DLGAP1: variants seen among roughly 807,000 people sequenced by gnomAD.
DLGAP1 encodes DLG associated protein 1.
A neutral mutation model predicts 90.8 loss-of-function variants in DLGAP1; 11 were observed. That is an observed-to-expected ratio of 0.12 (90% confidence interval 0.08 to 0.20). The LOEUF is 0.20. DLGAP1 is among the 10% of genes least tolerant of loss of function. The pLI, the probability that DLGAP1 is intolerant of heterozygous loss-of-function variation, is 1.00. For missense variants in DLGAP1, 1,050 were observed against 1,333.8 expected (o/e 0.79, Z 3.31); for synonymous variants, 558 against 540.7 (o/e 1.03, Z -0.44).
intron 1 of DLGAP1, among the ~76,000 whole-genome samples, chr18:4,344,825 T>G (rs2081273209): frequency 2.0e-5 from 3 of 152,140 alleles, no homozygotes; most frequent in Non-Finnish European, 4.4e-5. Flanking sequence ...ACCTTCAATC[T>G]TCCCAGTTTT....
At chr18:3,582,315 G>A in intron 7 of DLGAP1, 67 bp from the exon 8 acceptor site, 2 of 1,548,714 alleles carry the variant, frequency 1.3e-6, no homozygotes, top group South Asian at 2.4e-5. Flanking sequence ...TATTGTAACT[G>A]ACAGCCATTG....
intron 1 of DLGAP1, among the ~76,000 whole-genome samples, chr18:4,281,682 C>G (rs2079556169): frequency 6.6e-6 from 1 of 152,176 alleles, no homozygotes; most frequent in Non-Finnish European, 1.5e-5. Context: ...AATATAGCCA[C>G]TTTTCTGTAG....
chr18:3,879,714 G>A lies in DLGAP1; in HGVS notation c.355C>T (p.His119Tyr). Residue 119 changes from histidine (H) to tyrosine (Y), a missense_variant, in exon 4 of 13, where the codon CAC (histidine) becomes TAC (tyrosine). Transcript: ENST00000315677. This position sits in a 1 kb window ranked among gnomAD's most constrained non-coding sequence, Gnocchi z 6.6. The stretch of plus-strand genomic sequence containing the variant: ...GCCGTGCGCTTGTACTGCAGGGTGT[G>A]ATAGCCATCGCGGCTGAGTGGCAGC... Reference protein sequence around the residue: ...RQLPLSRDGYHTLQYKRTAVE... With the variant: ...RQLPLSRDGYYTLQYKRTAVE... The A allele has an allele frequency of 2.5e-6, 4 of 1,608,782 alleles. No individual in the cohort carries two copies. Among genetic ancestry groups the A allele is most frequent in the Non-Finnish European group, 3.4e-6 (4 of 1,179,872 alleles).
At position 3,577,928 on chromosome 18, in the gene DLGAP1, T is replaced by C. The variant is rs2055255200; in HGVS notation, c.1965+3947A>G. Among the ~76,000 whole-genome samples, 5 of 152,198 alleles carry C rather than the reference T, an allele frequency of 3.3e-5. No individual in the cohort carries two copies. The South Asian group carries it at 8.3e-4, about 25-fold the overall frequency. On this transcript the variant is annotated intron_variant, in intron 8 of 12. Coordinates refer to ENST00000315677, the MANE Select transcript of DLGAP1 (RefSeq NM_004746.4). ...TTGAGAAAGTCCATGGCATATTTAGTTCAGCATATTTAGCTAATTATAATT... is the reference window on the plus strand; with the variant it reads ...TTGAGAAAGTCCATGGCATATTTAGCTCAGCATATTTAGCTAATTATAATT...
At chr18:4,297,300 G>C (rs572024057) in intron 1 of DLGAP1, among the ~76,000 whole-genome samples, 1 of 152,042 alleles carries the variant, frequency 6.6e-6, no homozygotes, top group Admixed American at 6.5e-5. Flanking sequence ...CCACCACACC[G>C]AGCCATGACC....
intron 4 of DLGAP1, among the ~76,000 whole-genome samples, chr18:3,848,691 C>T (rs2069163078): frequency 6.6e-6 from 1 of 152,160 alleles, no homozygotes; most frequent in Non-Finnish European, 1.5e-5. Context: ...GGACACTTCC[C>T]TCTCCTGCCA....
At chr18:3,814,346 AG>A in intron 4 of DLGAP1, 73 bp from the exon 5 acceptor site, 1 of 1,305,606 alleles carries the variant, frequency 7.7e-7, no homozygotes. Context: ...CTTTTTTTTT[AG>A]ATTTAACATT....
In DLGAP1 at chr18:3,499,731, C is replaced by A. The variant is rs2049830858; in HGVS notation, c.2725-337G>T. Among the ~76,000 whole-genome samples, 1 of 152,140 alleles carries A rather than the reference C, an allele frequency of 6.6e-6. No individual in the cohort carries two copies. The highest frequency in any genetic ancestry group is 6.5e-5 in the Admixed American group (1 of 15,278). On this transcript the variant is annotated intron_variant, in intron 12 of 12. Coordinates refer to ENST00000315677, the MANE Select transcript of DLGAP1 (RefSeq NM_004746.4). This position sits in a 1 kb window ranked among gnomAD's most constrained non-coding sequence, Gnocchi z 6.4. ...GGTTCTCTCTGGAGACTCCAGACTC[C>A]TCCTGGTGCCAGAGATGGGCCAGGA...
intron 1 of DLGAP1, among the ~76,000 whole-genome samples, chr18:4,195,858 A>G (rs1188854029): frequency 3.3e-5 from 5 of 152,042 alleles, no homozygotes; most frequent in Non-Finnish European, 7.4e-5. Context: ...CGGCCTGACT[A>G]CTTTTTTGAG....
At chr18:4,199,769 C>T (rs1216523070) in intron 1 of DLGAP1, among the ~76,000 whole-genome samples, 1 of 152,158 alleles carries the variant, frequency 6.6e-6, no homozygotes, top group African/African-American at 2.4e-5. Context: ...AGGCAGTTTT[C>T]CTTCCTGAAA....
At chr18:3,841,499 A>G (rs2068713238) in intron 4 of DLGAP1, among the ~76,000 whole-genome samples, 1 of 152,236 alleles carries the variant, frequency 6.6e-6, no homozygotes, top group African/African-American at 2.4e-5. Context: ...ATACATTTTT[A>G]AGAATAAACT....
At chr18:3,585,670 A>G (rs1042936940) in intron 7 of DLGAP1, among the ~76,000 whole-genome samples, 5 of 152,298 alleles carry the variant, frequency 3.3e-5, no homozygotes, top group Non-Finnish European at 5.9e-5. Flanking sequence ...GAGGCCAGGC[A>G]CAGTGGTTCA....
Position 4,421,086 on chromosome 18 carries a change from C to A in DLGAP1, c.-267+33920G>T, listed in dbSNP as rs946084355. On this transcript the variant is annotated intron_variant, in intron 1 of 12. Coordinates refer to ENST00000315677, the MANE Select transcript of DLGAP1 (RefSeq NM_004746.4). Reference sequence around the variant, plus strand: ...GCTGCTGTAACAAATTATCACAAACCAGGTGTCTTAAAATAACAGAAAGTT... The same window carrying A: ...GCTGCTGTAACAAATTATCACAAACAAGGTGTCTTAAAATAACAGAAAGTT... Among the ~76,000 whole-genome samples the A allele has an allele frequency of 1.1e-4, 17 of 152,226 alleles. No homozygotes were observed. In the South Asian group the frequency reaches 3.3e-3, roughly 30 times the overall value.
chr18:3,668,667 G>A (rs1228399005), intron 7 of DLGAP1, among the ~76,000 whole-genome samples: 1 of 152,238 alleles, frequency 6.6e-6, no homozygotes, highest in African/African-American at 2.4e-5. Context: ...ATCCTCAGTC[G>A]AAGCAGTGGT....
chr18:4,067,175 G>C (rs949319547), intron 2 of DLGAP1, among the ~76,000 whole-genome samples: 11 of 145,056 alleles, frequency 7.6e-5, no homozygotes, highest in Non-Finnish European at 1.3e-4. Flanking sequence ...GGCCTTACCT[G>C]AAGGTGGAGG....
At chr18:3,822,072 T>C in intron 4 of DLGAP1, 1 of 790,062 alleles carries the variant, frequency 1.3e-6, no homozygotes, top group African/African-American at 1.9e-5. Flanking sequence ...AATTATGCAA[T>C]GTGCAGATCC....
intron 3 of DLGAP1, among the ~76,000 whole-genome samples, chr18:3,897,702 G>A (rs2071661077): frequency 6.6e-6 from 1 of 150,544 alleles, no homozygotes; most frequent in Non-Finnish European, 1.5e-5. Context: ...AGGAAGTATA[G>A]TAAAATTTGC....
chr18:4,200,706 C>T (rs966976011), intron 1 of DLGAP1, among the ~76,000 whole-genome samples: 1 of 151,994 alleles, frequency 6.6e-6, no homozygotes, highest in Non-Finnish European at 1.5e-5. Flanking sequence ...CATTATCATA[C>T]ATTTATTTTA....
intron 6 of DLGAP1, among the ~76,000 whole-genome samples, chr18:3,734,263 C>T (rs536102527): frequency 6.6e-6 from 1 of 152,112 alleles, no homozygotes; most frequent in Non-Finnish European, 1.5e-5. Context: ...CTCTCTCTCT[C>T]TCTCTAAGAG....
Sources: gnomAD v4.1 joint callset for allele counts (sites outside exome capture counted in the v4.1 genomes callset) on GRCh38, gnomAD v4.1.1 for gene constraint, Gnocchi (gnomAD v3.1) non-coding constraint, MANE v1.5 for transcripts, NCBI Gene and HGNC (gene_info 2026-07-23, HGNC 2026-07-21) for gene names.